The following VWA8 variants were observed in gnomAD, a reference collection of about 807,000 sequenced individuals.
The protein encoded by VWA8 is von Willebrand factor A domain containing 8.
A neutral mutation model predicts 241.5 loss-of-function variants in VWA8; 221 were observed. That is an observed-to-expected ratio of 0.91 (90% confidence interval 0.82 to 1.02). VWA8 has a LOEUF of 1.02. Ranked by LOEUF, VWA8 falls within the 50% of genes least tolerant of loss-of-function variation. The pLI is 0.00. For missense variants in VWA8, 2,322 were observed against 2,328.7 expected (o/e 1.00, Z 0.06); for synonymous variants, 852 against 827.1 (o/e 1.03, Z -0.52).
intron 15 of VWA8, among the ~76,000 whole-genome samples, chr13:41,818,098 G>A (rs1324080407): frequency 6.6e-6 from 1 of 151,778 alleles, no homozygotes; most frequent in Non-Finnish European, 1.5e-5. Flanking sequence ...GAGTAGCTGG[G>A]AATACAGGTG....
intron 21 of VWA8, among the ~76,000 whole-genome samples, chr13:41,744,077 T>G (rs1385603350): frequency 6.6e-6 from 1 of 152,152 alleles, no homozygotes; most frequent in East Asian, 1.9e-4. Flanking sequence ...CTTAGAGATA[T>G]GAGGGTGAAA....
chr13:41,903,644 C>G (rs557255715), intron 4 of VWA8, among the ~76,000 whole-genome samples: 15 of 152,048 alleles, frequency 9.9e-5, no homozygotes, highest in South Asian at 4.1e-4. Flanking sequence ...ACACCAAGTA[C>G]AAAGGAAGGC....
intron 40 of VWA8, among the ~76,000 whole-genome samples, chr13:41,604,369 C>A (rs1313201192): frequency 6.6e-6 from 1 of 151,986 alleles, no homozygotes; most frequent in East Asian, 1.9e-4. Context: ...TGAAATTAGA[C>A]ATCTGTTTAA....
chr13:41,692,649 A>C (rs2045185942), intron 30 of VWA8, among the ~76,000 whole-genome samples: 1 of 152,138 alleles, frequency 6.6e-6, no homozygotes, highest in African/African-American at 2.4e-5. Flanking sequence ...TCTTCATGCA[A>C]GTATAATGTC....
At position 41,690,242 on chromosome 13, in the gene VWA8, T is replaced by A. The variant is rs764985944; in HGVS notation, c.3900A>T (p.Glu1300Asp). 8 of 1,612,672 alleles carry A rather than the reference T, an allele frequency of 5.0e-6. No individual in the cohort carries two copies. The highest frequency in any genetic ancestry group is 6.8e-6 in the Non-Finnish European group (8 of 1,179,028). The change falls in exon 33 of 45, where the codon GAA becomes GAT. Residue 1300 changes from glutamate (E) to aspartate (D), a missense_variant. Transcript: ENST00000379310. Reference protein sequence around the residue: ...KYLLTKPAHIESEGSGVCQLY... With the variant: ...KYLLTKPAHIDSEGSGVCQLY... ...ACTGGCAAACCCCACTACCCTCAGA[T>A]TCGATGTGTGCAGGCTTAGTTAAAA...
At chr13:41,775,111 G>C (rs1868532026) in intron 20 of VWA8, among the ~76,000 whole-genome samples, 1 of 152,152 alleles carries the variant, frequency 6.6e-6, no homozygotes, top group African/African-American at 2.4e-5. Flanking sequence ...GGAGAAACCA[G>C]ACACCAGGCT....
At chr13:41,589,935 G>A (rs1182707372) in intron 41 of VWA8, among the ~76,000 whole-genome samples, 2 of 152,200 alleles carry the variant, frequency 1.3e-5, no homozygotes, top group Admixed American at 1.3e-4. Flanking sequence ...ACTGTGTGGA[G>A]GGGGACTCAC....
At chr13:41,719,881 G>T in intron 25 of VWA8, 139 bp from the exon 26 acceptor site, 2 of 782,490 alleles carry the variant, frequency 2.6e-6, no homozygotes, top group Non-Finnish European at 3.9e-6. Flanking sequence ...GCAGGTAGTA[G>T]GAATGTAGAC....
At chr13:41,605,424 C>T (rs2044547606) in intron 39 of VWA8, 148 bp from the exon 40 acceptor site, 2 of 713,924 alleles carry the variant, frequency 2.8e-6, no homozygotes, top group South Asian at 3.3e-5. Context: ...ATGTCTCCAG[C>T]TGTGCTTCCA....
In VWA8 at chr13:41,567,186, AGT is replaced by A. The variant is rs1486319666; in HGVS notation, c.*1009_*1010del. On this transcript the variant is annotated 3_prime_UTR_variant, in exon 45 of 45. Transcript: ENST00000379310. ...TTGATAAAATAAAGGTCAGCCCAAG[AGT>A]GTGTGGGAATAAGGTACATTTTGAA... 2.6e-5 allele frequency: 4 copies of A among 152,188 alleles called. No individual in the cohort carries two copies. The highest frequency in any genetic ancestry group is 5.9e-5 in the Non-Finnish European group (4 of 68,032). 9.4% of individuals were successfully genotyped at this position (152,188 alleles called of 1,614,324 possible). A position where few individuals can be genotyped will look rare whatever the true frequency, so the allele number is the denominator to read the frequency against.
chr13:41,816,367 A>C (rs1870693494), intron 16 of VWA8, among the ~76,000 whole-genome samples: 1 of 152,192 alleles, frequency 6.6e-6, no homozygotes, highest in Admixed American at 6.5e-5. Flanking sequence ...ATAAAGATGT[A>C]GGCATTAACT....
intron 12 of VWA8, among the ~76,000 whole-genome samples, chr13:41,863,444 TATATATATATTCAC>T (rs1331821370): frequency 9.0e-6 from 1 of 110,758 alleles, no homozygotes; most frequent in East Asian, 2.6e-4. Flanking sequence ...TATATATATA[TATATATATATTCAC>T]ACACACACAC....
At chr13:41,570,824 T>A in intron 43 of VWA8, 118 bp from the exon 44 acceptor site, 1 of 798,176 alleles carries the variant, frequency 1.3e-6, no homozygotes, top group Non-Finnish European at 2.0e-6. Flanking sequence ...CCATGAGTAG[T>A]ACATTCTAAG....
intron 42 of VWA8, among the ~76,000 whole-genome samples, chr13:41,585,557 C>T (rs2044411599): frequency 6.6e-6 from 1 of 152,136 alleles, no homozygotes; most frequent in African/African-American, 2.4e-5. Context: ...TTGCTATGGT[C>T]TACATTGGGT....
intron 2 of VWA8, among the ~76,000 whole-genome samples, chr13:41,912,570 C>G (rs2138114819): frequency 6.6e-6 from 1 of 152,048 alleles, no homozygotes; most frequent in Middle Eastern, 3.4e-3. Context: ...ATTTTATAGT[C>G]CAATCTTTTT....
chr13:41,760,520 TCTTGA>T (rs906679702), intron 21 of VWA8, among the ~76,000 whole-genome samples: 6 of 152,084 alleles, frequency 3.9e-5, no homozygotes, highest in South Asian at 2.1e-4. Context: ...TTGATATATT[TCTTGA>T]CTTATCTATT....
intron 12 of VWA8, among the ~76,000 whole-genome samples, chr13:41,846,864 C>T (rs1307821575): frequency 2.0e-5 from 3 of 151,962 alleles, no homozygotes; most frequent in Non-Finnish European, 4.4e-5. Flanking sequence ...TGGTGAAACC[C>T]CATCTCTACT....
rs2044292896 is a variant in VWA8 at position 41,570,464 on chromosome 13, T to C, written c.5609+4A>G. On this transcript the variant is annotated splice_donor_region_variant and intron_variant, in intron 44 of 44. Coordinates refer to ENST00000379310, the MANE Select transcript of VWA8 (RefSeq NM_015058.2). The stretch of plus-strand genomic sequence containing the variant: ...CCTTTTCTGTATGCTCAGATGACAC[T>C]TACCTGGTTGCTTGATCACCTAAAG... 5 of 1,612,874 alleles carry C rather than the reference T, an allele frequency of 3.1e-6. No homozygotes were observed. Among genetic ancestry groups the C allele is most frequent in the Non-Finnish European group, 4.2e-6 (5 of 1,179,006 alleles).
At chr13:41,819,194 G>A (rs778114852) in intron 15 of VWA8, 24 bp downstream of exon 15, 2 of 1,583,498 alleles carry the variant, frequency 1.3e-6, no homozygotes, top group Non-Finnish European at 1.7e-6. Context: ...TAAGAAAATA[G>A]ACTAAGATTG....
Sources: gnomAD v4.1 joint callset for allele counts (sites outside exome capture counted in the v4.1 genomes callset) on GRCh38, gnomAD v4.1.1 for gene constraint, MANE v1.5 for transcripts, NCBI Gene and HGNC (gene_info 2026-07-23, HGNC 2026-07-21) for gene names.